Variants in IMMP2L observed in about 807,000 individuals in gnomAD.
IMMP2L encodes mitochondrial inner membrane protease subunit 2.
A neutral mutation model predicts 19.3 loss-of-function variants in IMMP2L; 18 were observed. The observed-to-expected ratio is 0.93, with a 90% CI of 0.64 to 1.38. The LOEUF (loss-of-function observed/expected upper bound fraction) is 1.38, where lower values mean the gene tolerates loss of function less well. Ranked by LOEUF, IMMP2L falls within the 40% of genes most tolerant of loss-of-function variation. The pLI is 0.00. For synonymous variants in IMMP2L, 76 were observed against 73.0 expected (o/e 1.04, Z -0.21); for missense variants, 233 against 218.2 (o/e 1.07, Z -0.43).
intron 3 of IMMP2L, among the ~76,000 whole-genome samples, chr7:111,207,464 A>G (rs1810828885): frequency 6.6e-6 from 1 of 152,084 alleles, no homozygotes; most frequent in Non-Finnish European, 1.5e-5. Context: ...TTAAAAATGT[A>G]AAAACCACCA....
At chr7:111,311,645 C>G (rs937359693) in intron 3 of IMMP2L, among the ~76,000 whole-genome samples, 1 of 152,124 alleles carries the variant, frequency 6.6e-6, no homozygotes, top group Non-Finnish European at 1.5e-5. Context: ...GCTCTGTGAA[C>G]TGGCTCCGGT....
chr7:111,328,637 T>G (rs1433313585), intron 3 of IMMP2L, among the ~76,000 whole-genome samples: 1 of 151,852 alleles, frequency 6.6e-6, no homozygotes, highest in Non-Finnish European at 1.5e-5. Flanking sequence ...AGCTGGATAC[T>G]GTGTAGAATA....
At chr7:110,683,919 T>C (rs192746778) in intron 5 of IMMP2L, among the ~76,000 whole-genome samples, 1 of 152,250 alleles carries the variant, frequency 6.6e-6, no homozygotes, top group Admixed American at 6.5e-5. Flanking sequence ...GAAATCTGTT[T>C]AGGGTCATTC....
intron 3 of IMMP2L, among the ~76,000 whole-genome samples, chr7:110,979,557 T>C (rs1344763848): frequency 6.6e-6 from 1 of 152,122 alleles, no homozygotes; most frequent in Non-Finnish European, 1.5e-5. Flanking sequence ...AAGAATTCTA[T>C]CAGTATTATT....
intron 3 of IMMP2L, among the ~76,000 whole-genome samples, chr7:111,418,735 T>TA (rs139172948): frequency 0.054 from 8,119 of 151,728 alleles, 322 homozygotes; most frequent in Middle Eastern, 0.092. Context: ...TTTAAGAAAA[T>TA]AAAAAATACA....
chr7:111,080,589 G>A (rs866834914), intron 3 of IMMP2L, among the ~76,000 whole-genome samples: 26 of 151,962 alleles, frequency 1.7e-4, no homozygotes, highest in Middle Eastern at 3.2e-3. Flanking sequence ...TGATTGAAAG[G>A]ACATGGAAAA....
In IMMP2L at chr7:110,963,424, G is replaced by A. The variant is rs540741258; in HGVS notation, c.305+76C>T. ...ACTTTGGCCCTCATGGACTTCAGAT[G>A]TATTTCCCAAGTAATGTAGGTAACA... On this transcript the variant is annotated intron_variant, in intron 4 of 5. Transcript: ENST00000405709. 23 of 1,040,490 alleles carry A rather than the reference G, an allele frequency of 2.2e-5. 1 individual carries two copies. The highest frequency in any genetic ancestry group is 2.9e-5 in the Non-Finnish European group (20 of 692,182). The allele number at this position is 1,040,490 out of a possible 1,614,324, so 64.5% of individuals were successfully genotyped here.
At chr7:110,905,959 C>T (rs1381210649) in intron 4 of IMMP2L, among the ~76,000 whole-genome samples, 1 of 152,144 alleles carries the variant, frequency 6.6e-6, no homozygotes, top group Non-Finnish European at 1.5e-5. Flanking sequence ...ATCTTTCTGT[C>T]ATACACCACA....
intron 1 of IMMP2L, among the ~76,000 whole-genome samples, chr7:111,528,090 T>C (rs1158085296): frequency 6.6e-6 from 1 of 152,168 alleles, no homozygotes; most frequent in Admixed American, 6.5e-5. Flanking sequence ...GAACACAACA[T>C]TTCTATGTTG....
chr7:111,304,992 G>C (rs960100651), intron 3 of IMMP2L, among the ~76,000 whole-genome samples: 2 of 151,916 alleles, frequency 1.3e-5, no homozygotes, highest in Non-Finnish European at 2.9e-5. Flanking sequence ...GGAGAAAGTG[G>C]CTCCAGATTT....
At chr7:110,720,987 C>G (rs993389129) in intron 5 of IMMP2L, among the ~76,000 whole-genome samples, 1 of 150,970 alleles carries the variant, frequency 6.6e-6, no homozygotes, top group Non-Finnish European at 1.5e-5. Context: ...CTTCTCCCCA[C>G]CCCCTCCCCA....
chr7:111,150,186 G>A (rs1803921060), intron 3 of IMMP2L, among the ~76,000 whole-genome samples: 1 of 152,002 alleles, frequency 6.6e-6, no homozygotes, highest in Non-Finnish European at 1.5e-5. Flanking sequence ...TTGACATAGG[G>A]GTTGACATAA....
intron 3 of IMMP2L, among the ~76,000 whole-genome samples, chr7:111,089,162 C>G (rs1046563783): frequency 1.3e-5 from 2 of 152,110 alleles, no homozygotes; most frequent in African/African-American, 4.8e-5. Context: ...TTTAACAATT[C>G]TAACTGAATC....
At chr7:111,529,536 T>C (rs767927008) in intron 1 of IMMP2L, among the ~76,000 whole-genome samples, 3 of 152,054 alleles carry the variant, frequency 2.0e-5, no homozygotes, top group Non-Finnish European at 2.9e-5. Context: ...TAGTTCTCAC[T>C]TGAAAATTCT....
chr7:111,131,633 C>A (rs1483951868), intron 3 of IMMP2L, among the ~76,000 whole-genome samples: 4 of 151,868 alleles, frequency 2.6e-5, no homozygotes, highest in Non-Finnish European at 5.9e-5. Flanking sequence ...GCCTGCACAT[C>A]TCTTTCTGTA....
At chr7:111,391,629 C>T (rs959213202) in intron 3 of IMMP2L, among the ~76,000 whole-genome samples, 8 of 152,132 alleles carry the variant, frequency 5.3e-5, no homozygotes, top group African/African-American at 1.9e-4. Flanking sequence ...TAAATTTCTG[C>T]ACTTTTAAAT....
chr7:110,825,402 G>A (rs1803386922), intron 5 of IMMP2L, among the ~76,000 whole-genome samples: 2 of 151,992 alleles, frequency 1.3e-5, no homozygotes, highest in Non-Finnish European at 2.9e-5. Context: ...CAAAACAACA[G>A]AGCTGGAGGC....
At chr7:111,102,980 C>A (rs1203545309) in intron 3 of IMMP2L, among the ~76,000 whole-genome samples, 1 of 151,474 alleles carries the variant, frequency 6.6e-6, no homozygotes, top group Non-Finnish European at 1.5e-5. Flanking sequence ...CCTTGAGTTG[C>A]TAAAATTTAA....
At chr7:111,503,749 G>A (rs576404978) in intron 2 of IMMP2L, among the ~76,000 whole-genome samples, 2,488 of 152,106 alleles carry the variant, frequency 0.016, 64 homozygotes, top group African/African-American at 0.057. Context: ...ATGCAGAAAA[G>A]GCCTTTGACA....
Sources: allele counts gnomAD v4.1 joint callset (sites outside exome capture counted in the v4.1 genomes callset), GRCh38; gene constraint gnomAD v4.1.1; transcripts MANE v1.5; gene names NCBI Gene and HGNC (gene_info 2026-07-23, HGNC 2026-07-21).